SNED1: variants seen among roughly 807,000 people sequenced by gnomAD.
The protein encoded by SNED1 is sushi, nidogen and EGF like domains 1.
SNED1 carries 81 observed loss-of-function variants against 166.7 expected under a neutral mutation model. That is an observed-to-expected ratio of 0.49 (90% CI 0.41 to 0.58). The LOEUF (loss-of-function observed/expected upper bound fraction) is 0.58. Among genes scored for constraint, SNED1 ranks in the 20% least tolerant of loss-of-function variants. The pLI, the probability that SNED1 is intolerant of heterozygous loss-of-function variation, is 0.00. For missense variants in SNED1, 1,604 were observed against 2,000.2 expected (o/e 0.80, Z 3.78); for synonymous variants, 762 against 822.0 (o/e 0.93, Z 1.25).
At chr2:241,079,184 A>G (rs2063203463) in intron 27 of SNED1, among the ~76,000 whole-genome samples, 2 of 150,800 alleles carry the variant, frequency 1.3e-5, no homozygotes, top group South Asian at 2.1e-4. Context: ...AGGCCGAGGC[A>G]GGTGGATCAC....
In SNED1 at chr2:241,069,023, C is replaced by G; in HGVS notation, c.3307C>G (p.Arg1103Gly). The G allele has an allele frequency of 6.5e-7, 1 of 1,547,708 alleles. No homozygotes were observed. The highest frequency in any genetic ancestry group is 2.4e-5 in the East Asian group (1 of 40,926). Reference sequence around the variant, plus strand: ...CACCGCGCCGACGCACGTGTGGACCCGTGAGTAGAGCAGCGCGGCCCCCGG... The same window carrying G: ...CACCGCGCCGACGCACGTGTGGACCGGTGAGTAGAGCAGCGCGGCCCCCGG... ...LATAPTHVWTRPLPPANLTAA... is the reference protein window; with the variant it reads ...LATAPTHVWTGPLPPANLTAA... The change falls in exon 23 of 32, where the codon CGG (arginine) becomes GGG (glycine). Residue 1103 changes from arginine to glycine, a missense_variant and splice_region_variant. Around this residue, in one of 2 missense-constraint regions of SNED1, gnomAD observed 1,237 missense variants for 1,620.8 expected, o/e 0.76. Coordinates refer to ENST00000310397, the MANE Select transcript of SNED1 (RefSeq NM_001080437.3). The surrounding 1 kb of genome is among the most constrained non-coding windows in gnomAD (Gnocchi z 4.9).
rs1360074113 is a variant in SNED1, at chr2:241,075,857, G to C, written c.3916+2493G>C. Among the ~76,000 whole-genome samples the C allele has an allele frequency of 6.6e-6, 1 of 151,974 alleles. No homozygotes were observed. Among genetic ancestry groups the C allele is most frequent in the Non-Finnish European group, 1.5e-5 (1 of 67,992 alleles). ...CTGTAGGTCATTAATCTGTTAGACT[G>C]TGTGTGTGTGAGAAGTTGGGCTACA... On this transcript the variant is annotated intron_variant, in intron 27 of 31. Coordinates refer to ENST00000310397, the MANE Select transcript of SNED1 (RefSeq NM_001080437.3). This position sits in a 1 kb window ranked among gnomAD's most constrained non-coding sequence, Gnocchi z 4.8.
chr2:241,020,711 G>A (rs2060745705), intron 1 of SNED1, among the ~76,000 whole-genome samples: 1 of 152,174 alleles, frequency 6.6e-6, no homozygotes, highest in African/African-American at 2.4e-5. Flanking sequence ...CAGGCCAGTA[G>A]CCACCCCACC....
At chr2:241,048,891 A>T in intron 10 of SNED1, 125 bp downstream of exon 10, 1 of 1,173,552 alleles carries the variant, frequency 8.5e-7, no homozygotes, top group South Asian at 1.4e-5. Context: ...CCCACCCAGG[A>T]GGGACTGGCC....
In SNED1 at chr2:241,053,231, T is replaced by G. The variant is rs753827596; in HGVS notation, c.2162T>G (p.Leu721Arg). ...FNGTRLGAVALYACDRGYSLS... is the reference protein window; with the variant it reads ...FNGTRLGAVARYACDRGYSLS... ...GGCACGCGGCTGGGCGCGGTGGCCC[T>G]GTATGCATGTGACCGTGGCTACAGC... The change falls in exon 16 of 32, where the codon CTG (leucine) becomes CGG (arginine). Residue 721 changes from leucine to arginine, a missense_variant. Physicochemically the swap from Leu to Arg is moderately radical, Grantham distance 102. Coordinates refer to ENST00000310397, the MANE Select transcript of SNED1 (RefSeq NM_001080437.3). 6.2e-7 allele frequency: 1 copy of G among 1,609,052 alleles called. No individual in the cohort carries two copies. The highest frequency in any genetic ancestry group is 2.2e-5 in the East Asian group (1 of 44,848).
Position 241,093,641 on chromosome 2 carries a change from C to T in SNED1, c.*2005C>T, listed in dbSNP as rs1022016767. On this transcript the variant is annotated 3_prime_UTR_variant, in exon 32 of 32. Transcript: ENST00000310397. ...TGTTAGCTTAGAAGCCTTGTGTCAA[C>T]AAGAACTGGCTCCTGAGTCCCAAGT... The T allele has an allele frequency of 2.0e-5, 3 of 152,124 alleles. No individual in the cohort carries two copies. The highest frequency in any genetic ancestry group is 7.2e-5 in the African/African-American group (3 of 41,390). The allele number at this position is 152,124 out of a possible 1,614,324, so 9.4% of individuals were successfully genotyped here. A position where few individuals can be genotyped will look rare whatever the true frequency, so the allele number is the denominator to read the frequency against.
intron 16 of SNED1, among the ~76,000 whole-genome samples, 197 bp from the exon 17 acceptor site, chr2:241,062,594 C>T (rs902084380): frequency 6.6e-6 from 1 of 152,026 alleles, no homozygotes; most frequent in African/African-American, 2.4e-5. Flanking sequence ...TGCTGCTTCA[C>T]AGACACAGCC....
rs1174371126 is a variant in SNED1, at chr2:241,069,972, C to T, written c.3360C>T (p.Ala1120=). ...CCGCCCGAGTCACTGCCACCTCTGC[C>T]CACGTGGTCTGGGATGCCCCGACTC... ...LTAARVTATS[A]HVVWDAPTPG... Residue 1120 remains alanine (A), a synonymous_variant, in exon 24 of 32, where the codon GCC becomes GCT. Coordinates refer to ENST00000310397, the MANE Select transcript of SNED1 (RefSeq NM_001080437.3). This position sits in a 1 kb window ranked among gnomAD's most constrained non-coding sequence, Gnocchi z 4.9. 9 of 1,612,894 alleles carry T rather than the reference C, an allele frequency of 5.6e-6. No individual in the cohort carries two copies. Among genetic ancestry groups the T allele is most frequent in the Non-Finnish European group, 7.6e-6 (9 of 1,179,890 alleles).
At chr2:241,021,781 A>G (rs944325129) in intron 1 of SNED1, among the ~76,000 whole-genome samples, 1 of 152,182 alleles carries the variant, frequency 6.6e-6, no homozygotes, top group Admixed American at 6.5e-5. Flanking sequence ...TCTTGAGTAT[A>G]TATGGTAGTA....
rs767684883 is a variant in SNED1, at chr2:241,053,221, G to C, written c.2152G>C (p.Ala718Pro). The change falls in exon 16 of 32, where the codon GCG (alanine) becomes CCG (proline). Residue 718 changes from alanine to proline, a missense_variant. Physicochemically the swap from Ala to Pro is conservative, Grantham distance 27. This residue lies in a region of SNED1 where 1,237 missense variants were observed against 1,620.8 expected (regional missense o/e 0.76). Transcript: ENST00000310397. Reference protein sequence around the residue: ...TLRFNGTRLGAVALYACDRGY... With the variant: ...TLRFNGTRLGPVALYACDRGY... ...GCGCTTCAACGGCACGCGGCTGGGC[G>C]CGGTGGCCCTGTATGCATGTGACCG... 1.2e-6 allele frequency: 2 copies of C among 1,609,410 alleles called. No individual in the cohort carries two copies. Among genetic ancestry groups the C allele is most frequent in the South Asian group, 2.2e-5 (2 of 90,994 alleles).
chr2:241,027,733 GTT>G (rs1553561255), intron 1 of SNED1, among the ~76,000 whole-genome samples: 3 of 135,646 alleles, frequency 2.2e-5, no homozygotes, highest in African/African-American at 2.6e-5. Flanking sequence ...ATTTTCTTCT[GTT>G]TTTTTTTTTT....
At position 241,052,405 on chromosome 2, in the gene SNED1, G is replaced by T; in HGVS notation, c.2020G>T (p.Asp674Tyr). 2 of 1,602,450 alleles carry T rather than the reference G, an allele frequency of 1.2e-6. No homozygotes were observed. The highest frequency in any genetic ancestry group is 1.7e-6 in the Non-Finnish European group (2 of 1,174,218). Residue 674 changes from aspartate (D) to tyrosine (Y), a missense_variant, in exon 15 of 32, where the codon GAC becomes TAC. This residue lies in a region of SNED1 where 1,237 missense variants were observed against 1,620.8 expected (regional missense o/e 0.76). Coordinates refer to ENST00000310397, the MANE Select transcript of SNED1 (RefSeq NM_001080437.3). ...SPCVNGGTCE[D>Y]RDTDFFCHCQ... The stretch of plus-strand genomic sequence containing the variant: ...GTGTGTGAATGGGGGCACCTGCGAG[G>T]ACCGGGACACGGATTTCTTCTGCCA...
intron 16 of SNED1, among the ~76,000 whole-genome samples, chr2:241,061,854 CAA>C (rs1008386547): frequency 7.6e-5 from 9 of 118,050 alleles, no homozygotes; most frequent in Admixed American, 8.8e-5. Context: ...TCCATCCCCC[CAA>C]AAAAAAAAAA....
intron 6 of SNED1, among the ~76,000 whole-genome samples, chr2:241,038,604 G>A (rs1036307106): frequency 2.0e-5 from 3 of 152,226 alleles, no homozygotes; most frequent in Non-Finnish European, 2.9e-5. Context: ...AGCCAGTGTC[G>A]GAGCAAGCTC....
At chr2:241,036,963 CAGG>C in intron 5 of SNED1, 48 bp downstream of exon 5, 1 of 1,568,972 alleles carries the variant, frequency 6.4e-7, no homozygotes, top group Non-Finnish European at 8.6e-7. Flanking sequence ...GCGCTGGGCT[CAGG>C]AGGAGCACTG....
rs1280366295 is a variant in SNED1 at position 241,013,341 on chromosome 2, C to A, written c.213+14291C>A. 6.6e-6 allele frequency among the ~76,000 whole-genome samples: 1 copy of A among 151,650 alleles called. No homozygotes were observed. Among genetic ancestry groups the A allele is most frequent in the Non-Finnish European group, 1.5e-5 (1 of 67,906 alleles). Reference sequence around the variant, plus strand: ...TTTATTTGAGAGACAGGGTCTCACTCTGTCACCAGGCTGGAGTGCAGTGGC... The same window carrying A: ...TTTATTTGAGAGACAGGGTCTCACTATGTCACCAGGCTGGAGTGCAGTGGC... On this transcript the variant is annotated intron_variant, in intron 1 of 31. Transcript: ENST00000310397. This position sits in a 1 kb window ranked among gnomAD's most constrained non-coding sequence, Gnocchi z 4.6.
At position 241,036,900 on chromosome 2, in the gene SNED1, C is replaced by T. The variant is rs1295003131; in HGVS notation, c.916C>T (p.Arg306Trp). 9 of 1,610,760 alleles carry T rather than the reference C, an allele frequency of 5.6e-6. No individual in the cohort carries two copies. Among genetic ancestry groups the T allele is most frequent in the Admixed American group, 1.7e-5 (1 of 59,826 alleles). ...TCSCLSGFTG[R>W]RCHLDVNECA... Reference sequence around the variant, plus strand: ...CTCCTGCCTCTCGGGCTTCACGGGGCGGAGGTGCCACCTGGGTGAGTGACT... The same window carrying T: ...CTCCTGCCTCTCGGGCTTCACGGGGTGGAGGTGCCACCTGGGTGAGTGACT... The change falls in exon 5 of 32, where the codon CGG becomes TGG. Residue 306 changes from arginine to tryptophan, a missense_variant. Physicochemically the swap from Arg to Trp is moderately radical, Grantham distance 101. Transcript: ENST00000310397.
chr2:241,036,966 G>A, intron 5 of SNED1, 51 bp downstream of exon 5: 1 of 1,566,288 alleles, frequency 6.4e-7, no homozygotes, highest in South Asian at 1.2e-5. Flanking sequence ...CTGGGCTCAG[G>A]AGGAGCACTG....
intron 8 of SNED1, among the ~76,000 whole-genome samples, chr2:241,047,877 T>C (rs1170100248): frequency 6.6e-6 from 1 of 152,104 alleles, no homozygotes; most frequent in Non-Finnish European, 1.5e-5. Flanking sequence ...CTGGTGCTTC[T>C]TGTTCTGTCC....
Sources: gnomAD v4.1 joint callset for allele counts (sites outside exome capture counted in the v4.1 genomes callset) on GRCh38, gnomAD v4.1.1 for gene constraint, gnomAD v4.1.1 regional missense constraint, Gnocchi (gnomAD v3.1) non-coding constraint, MANE v1.5 for transcripts, NCBI Gene and HGNC (gene_info 2026-07-23, HGNC 2026-07-21) for gene names.